Variants in DLG2 observed in about 807,000 individuals in gnomAD.
The protein encoded by DLG2 is discs large MAGUK scaffold protein 2.
DLG2 carries 45 observed loss-of-function variants against 132.5 expected under a neutral mutation model. That is an observed-to-expected ratio of 0.34 (90% CI 0.27 to 0.44). The LOEUF (loss-of-function observed/expected upper bound fraction) is 0.44. DLG2 is among the 20% of genes least tolerant of loss of function. The pLI is 1.00. For synonymous variants in DLG2, 424 were observed against 419.6 expected (o/e 1.01, Z -0.13); for missense variants, 1,045 against 1,196.9 (o/e 0.87, Z 1.87).
At position 84,746,487 on chromosome 11, in the gene DLG2, G is replaced by A. The variant is rs59104987; in HGVS notation, c.358-211756C>T. ...GGATTTTAATTACAGAGTTAGAAAC[G>A]TGAAGTTAAAGTTATTTTGCAGGGC... On this transcript the variant is annotated intron_variant, in intron 6 of 27. Transcript: ENST00000376104. Among the ~76,000 whole-genome samples, 1,222 of 151,280 alleles carry A rather than the reference G, an allele frequency of 8.1e-3. 14 individuals carry two copies. Among genetic ancestry groups the A allele is most frequent in the African/African-American group, 0.028 (1,166 of 41,272 alleles).
At chr11:85,266,676 T>C (rs955927336) in intron 4 of DLG2, among the ~76,000 whole-genome samples, 4 of 152,170 alleles carry the variant, frequency 2.6e-5, no homozygotes, top group Admixed American at 2.0e-4. Context: ...GTTTCACTCA[T>C]CTTTGTATTC....
chr11:85,429,172 G>T (rs2090990392), intron 3 of DLG2, among the ~76,000 whole-genome samples: 1 of 152,162 alleles, frequency 6.6e-6, no homozygotes, highest in Non-Finnish European at 1.5e-5. Context: ...GGACCAGATG[G>T]ATTCACAGCC....
At chr11:85,194,705 C>G (rs573761729) in intron 4 of DLG2, among the ~76,000 whole-genome samples, 1 of 152,068 alleles carries the variant, frequency 6.6e-6, no homozygotes, top group Non-Finnish European at 1.5e-5. Flanking sequence ...GCTTATAATC[C>G]TGTCCATCCT....
chr11:85,570,539 TTTGA>T (rs1223531312), intron 3 of DLG2, among the ~76,000 whole-genome samples: 4 of 152,166 alleles, frequency 2.6e-5, no homozygotes, highest in Non-Finnish European at 5.9e-5. Flanking sequence ...CTTTTATCAG[TTTGA>T]TTATGTTGTG....
intron 6 of DLG2, among the ~76,000 whole-genome samples, chr11:84,567,349 G>C (rs182768151): frequency 1.3e-5 from 2 of 152,128 alleles, no homozygotes; most frequent in African/African-American, 4.8e-5. Context: ...ACTGGATGAC[G>C]AATCAATTGT....
intron 6 of DLG2, among the ~76,000 whole-genome samples, chr11:84,972,454 T>G (rs1017971952): frequency 6.6e-6 from 1 of 152,220 alleles, no homozygotes; most frequent in Non-Finnish European, 1.5e-5. Flanking sequence ...GTTTCTAAGT[T>G]TCCTTTCTTG....
intron 3 of DLG2, among the ~76,000 whole-genome samples, chr11:85,451,746 C>G (rs758868976): frequency 6.6e-6 from 1 of 152,164 alleles, no homozygotes; most frequent in Non-Finnish European, 1.5e-5. Flanking sequence ...AACAGGGTCT[C>G]GCTGTGTTGC....
At chr11:84,842,464 G>A (rs2080818074) in intron 6 of DLG2, among the ~76,000 whole-genome samples, 1 of 151,836 alleles carries the variant, frequency 6.6e-6, no homozygotes, top group South Asian at 2.1e-4. Flanking sequence ...TACTGAGCAG[G>A]GTGATGTCAA....
chr11:85,342,443 C>T (rs2082564277), intron 3 of DLG2, among the ~76,000 whole-genome samples: 1 of 152,172 alleles, frequency 6.6e-6, no homozygotes, highest in African/African-American at 2.4e-5. Flanking sequence ...GGAAGGTGTT[C>T]AGGGGCATGG....
Position 83,589,017 on chromosome 11 carries a change from G to C in DLG2, c.1940+44194C>G, listed in dbSNP as rs1486079340. Among the ~76,000 whole-genome samples the C allele has an allele frequency of 5.1e-4, 75 of 147,348 alleles. 1 individual carries two copies. The highest frequency in any genetic ancestry group is 1.7e-3 in the African/African-American group (68 of 39,878). Reference sequence around the variant, plus strand: ...AAAAGACCAAATCTACGTCTGACTGGTGTACCTGAAAGTGATGGGGAGAAT... The same window carrying C: ...AAAAGACCAAATCTACGTCTGACTGCTGTACCTGAAAGTGATGGGGAGAAT... On this transcript the variant is annotated intron_variant, in intron 19 of 27. Transcript: ENST00000376104.
At chr11:85,198,919 T>A (rs750911238) in intron 4 of DLG2, among the ~76,000 whole-genome samples, 5 of 152,152 alleles carry the variant, frequency 3.3e-5, no homozygotes, top group Non-Finnish European at 7.4e-5. Flanking sequence ...TGCCAAAAGT[T>A]CCTCTGTTAT....
chr11:83,627,181 TTTTATTTATTTTTTA>T (rs2062682539), intron 19 of DLG2, among the ~76,000 whole-genome samples: 2 of 151,960 alleles, frequency 1.3e-5, no homozygotes, highest in Admixed American at 6.6e-5. Flanking sequence ...ACTTATTTTA[TTTTATTTATTTTTTA>T]TTTATTTATT....
chr11:85,256,838 A>G (rs555004281), intron 4 of DLG2, among the ~76,000 whole-genome samples: 59 of 152,362 alleles, frequency 3.9e-4, no homozygotes, highest in African/African-American at 1.4e-3. Context: ...AATACTTTCG[A>G]TACTATTATT....
intron 21 of DLG2, among the ~76,000 whole-genome samples, chr11:83,521,817 CCT>C (rs1164267419): frequency 1.3e-5 from 2 of 151,998 alleles, no homozygotes; most frequent in Non-Finnish European, 2.9e-5. Context: ...TGATTTCTCC[CCT>C]GAGTCATCCC....
At chr11:83,461,198 C>CG (rs1362598570) in intron 27 of DLG2, among the ~76,000 whole-genome samples, 1 of 151,404 alleles carries the variant, frequency 6.6e-6, no homozygotes, top group Non-Finnish European at 1.5e-5. Context: ...TTAGTAGAGA[C>CG]GGGGGTTTCA....
intron 6 of DLG2, among the ~76,000 whole-genome samples, chr11:85,051,116 A>G (rs2062846642): frequency 6.6e-6 from 1 of 152,178 alleles, no homozygotes; most frequent in Admixed American, 6.6e-5. Context: ...TTATTTTCAC[A>G]TTCTTCAGGT....
intron 6 of DLG2, 113 bp from the exon 7 acceptor site, chr11:84,534,844 G>C: frequency 8.0e-7 from 1 of 1,246,912 alleles, no homozygotes; most frequent in East Asian, 2.3e-5. Context: ...ACCTACTGTT[G>C]ACTTCACCAA....
At chr11:85,539,858 C>T (rs763926402) in intron 3 of DLG2, among the ~76,000 whole-genome samples, 38 of 152,168 alleles carry the variant, frequency 2.5e-4, no homozygotes, top group Non-Finnish European at 4.6e-4. Flanking sequence ...TTAGTCAAGG[C>T]ACCTAAAATA....
intron 6 of DLG2, among the ~76,000 whole-genome samples, chr11:84,627,831 G>A (rs77171279): frequency 0.062 from 9,444 of 152,088 alleles, 338 homozygotes; most frequent in South Asian, 0.085. Context: ...AGAAAGCGGT[G>A]GGAGGAGGTG....
Sources: gnomAD v4.1 joint callset for allele counts (sites outside exome capture counted in the v4.1 genomes callset) on GRCh38, gnomAD v4.1.1 for gene constraint, MANE v1.5 for transcripts, NCBI Gene and HGNC (gene_info 2026-07-23, HGNC 2026-07-21) for gene names.